The following RUBCNL variants were observed in gnomAD, a reference collection of about 807,000 sequenced individuals.
RUBCNL encodes the protein protein associated with UVRAG as autophagy enhancer.
In RUBCNL, 62 loss-of-function variants were observed where a neutral mutation model predicts 69.5. The observed-to-expected ratio is 0.89, with a 90% CI of 0.73 to 1.10. The LOEUF (loss-of-function observed/expected upper bound fraction) is 1.10, where lower values mean the gene tolerates loss of function less well. RUBCNL is among the 50% of genes least tolerant of loss of function. The pLI, the probability that RUBCNL is intolerant of heterozygous loss-of-function variation, is 0.00. For synonymous variants in RUBCNL, 291 were observed against 303.6 expected (o/e 0.96, Z 0.43); for missense variants, 768 against 798.1 (o/e 0.96, Z 0.45).
chr13:46,385,430 C>T (rs1594191430), intron 1 of RUBCNL: 1 of 180,034 alleles, frequency 5.6e-6, no homozygotes, highest in African/African-American at 2.4e-5. Flanking sequence ...CAAGAACTGC[C>T]TAAATTTTTA....
chr13:46,353,407 A>G (rs1486048448), intron 10 of RUBCNL, among the ~76,000 whole-genome samples: 1 of 152,200 alleles, frequency 6.6e-6, no homozygotes, highest in African/African-American at 2.4e-5. Context: ...ATCAAACTTC[A>G]TTGAATACAT....
chr13:46,359,610 G>C lies in RUBCNL; in HGVS notation c.1141C>G (p.Arg381Gly), dbSNP rs193920942. Residue 381 changes from arginine to glycine, a missense_variant, in exon 9 of 15, where the codon CGA becomes GGA. By Grantham distance (125) the Arg-to-Gly change is moderately radical. Coordinates refer to ENST00000429979, the MANE Select transcript of RUBCNL (RefSeq NM_025113.5). ...GSIVVNEECV[R>G]KDFESSMNVV... ...TTCATACTGGATTCAAAGTCTTTTC[G>C]GACACACTCTTCATTTACGACCTGC... 6.3e-7 allele frequency: 1 copy of C among 1,588,352 alleles called. No homozygotes were observed. Among genetic ancestry groups the C allele is most frequent in the Non-Finnish European group, 8.6e-7 (1 of 1,166,154 alleles).
chr13:46,355,612 C>T (rs78870811), intron 10 of RUBCNL, among the ~76,000 whole-genome samples: 1,690 of 152,224 alleles, frequency 0.011, 25 homozygotes, highest in African/African-American at 0.037. Context: ...AAAGCCTAAT[C>T]TTCTAGGCCT....
At chr13:46,355,955 G>C in intron 10 of RUBCNL, among the ~76,000 whole-genome samples, 1 of 152,170 alleles carries the variant, frequency 6.6e-6, no homozygotes, top group East Asian at 1.9e-4. Flanking sequence ...AAAAAATAAG[G>C]ATGGGTAATA....
chr13:46,362,923 C>CATATATATATATATAGATATATATATAT (rs201643254), intron 6 of RUBCNL, among the ~76,000 whole-genome samples, 192 bp downstream of exon 6: 15 of 88,052 alleles, frequency 1.7e-4, no homozygotes, highest in Non-Finnish European at 3.2e-4. Context: ...ACAAGAACAT[C>CATATATATATATATAGATATATATATAT]ATATATATAT....
At chr13:46,356,356 G>T in intron 10 of RUBCNL, 76 bp downstream of exon 10, 1 of 1,405,556 alleles carries the variant, frequency 7.1e-7, no homozygotes, top group Non-Finnish European at 9.9e-7. Context: ...TCTCACACAA[G>T]CAATGCGCTG....
Position 46,337,022 on chromosome 13 carries a change from T to C in RUBCNL, c.*6363A>G, listed in dbSNP as rs2048109039. On this transcript the variant is annotated 3_prime_UTR_variant, in exon 15 of 15. Coordinates refer to ENST00000429979, the MANE Select transcript of RUBCNL (RefSeq NM_025113.5). The stretch of plus-strand genomic sequence containing the variant: ...GACCTAACCCCCAATTGTGACAGTA[T>C]TAGGAGGTGGAGCCTTTAGGTGGTG... Among the ~76,000 whole-genome samples, 1 of 152,186 alleles carries C rather than the reference T, an allele frequency of 6.6e-6. No individual in the cohort carries two copies. Among genetic ancestry groups the C allele is most frequent in the Admixed American group, 6.5e-5 (1 of 15,280 alleles).
At chr13:46,347,977 A>G (rs2048285440) in intron 12 of RUBCNL, among the ~76,000 whole-genome samples, 1 of 152,198 alleles carries the variant, frequency 6.6e-6, no homozygotes, top group South Asian at 2.1e-4. Context: ...TGGGCGACAG[A>G]AGGAGACTCC....
upstream of RUBCNL, among the ~76,000 whole-genome samples, chr13:46,388,763 A>G (rs571925633): frequency 3.3e-5 from 5 of 152,294 alleles, no homozygotes; most frequent in African/African-American, 1.2e-4. Context: ...CATTTCCAGG[A>G]TGGAGCAGAG....
chr13:46,352,980 TGA>T (rs756247597), intron 10 of RUBCNL, among the ~76,000 whole-genome samples: 48 of 152,260 alleles, frequency 3.2e-4, no homozygotes, highest in Non-Finnish European at 5.6e-4. Flanking sequence ...ATTTCACTGA[TGA>T]AAGCACAAGA....
At chr13:46,380,783 T>G (rs922423151) in intron 1 of RUBCNL, among the ~76,000 whole-genome samples, 5 of 152,118 alleles carry the variant, frequency 3.3e-5, no homozygotes, top group Non-Finnish European at 7.4e-5. Context: ...AAAATAGAAT[T>G]TTGTTCTTTC....
chr13:46,365,140 T>C (rs2048721716), intron 5 of RUBCNL, among the ~76,000 whole-genome samples: 1 of 151,648 alleles, frequency 6.6e-6, no homozygotes. Context: ...TCGTCTCTAC[T>C]AAAAATACAA....
rs755143924 is a variant in RUBCNL at position 46,339,704 on chromosome 13, CA to C, written c.*3680del. On this transcript the variant is annotated 3_prime_UTR_variant, in exon 15 of 15. Transcript: ENST00000429979. ...TGAAAACCCGTCTCTACTAAAAATA[CA>C]AAAATTATCCAGGCCTGGTGGCGTG... Among the ~76,000 whole-genome samples the C allele has an allele frequency of 2.0e-5, 3 of 152,108 alleles. No individual in the cohort carries two copies. The highest frequency in any genetic ancestry group is 3.9e-4 in the East Asian group (2 of 5,174).
Position 46,363,414 on chromosome 13 carries a change from G to A in RUBCNL, c.827-201C>T, listed in dbSNP as rs542368815. The stretch of plus-strand genomic sequence containing the variant: ...CACTCACTATGATTAAGTGCCTGTA[G>A]TCCCAGCTATTCGGAAGGCTTTCAT... On this transcript the variant is annotated intron_variant, in intron 5 of 14. Transcript: ENST00000429979. 3.9e-5 allele frequency among the ~76,000 whole-genome samples: 6 copies of A among 152,248 alleles called. No individual in the cohort carries two copies. In the South Asian group the frequency reaches 1.0e-3, roughly 26 times the overall value.
chr13:46,364,069 G>A (rs561778085), intron 5 of RUBCNL, among the ~76,000 whole-genome samples: 5 of 151,994 alleles, frequency 3.3e-5, no homozygotes, highest in Admixed American at 6.6e-5. Context: ...GAATACAGTT[G>A]TTTAAGGAAA....
At chr13:46,367,153 A>C (rs1173204065) in intron 5 of RUBCNL, among the ~76,000 whole-genome samples, 2 of 152,206 alleles carry the variant, frequency 1.3e-5, no homozygotes, top group East Asian at 1.9e-4. Flanking sequence ...AAGAGCCCCC[A>C]GGTCCCAGAG....
In RUBCNL at chr13:46,357,682, T is replaced by G. The variant is rs1470244079; in HGVS notation, c.1266-1186A>C. Among the ~76,000 whole-genome samples, 3 of 149,648 alleles carry G rather than the reference T, an allele frequency of 2.0e-5. No individual in the cohort carries two copies. The East Asian group carries it at 6.0e-4, about 30-fold the overall frequency. On this transcript the variant is annotated intron_variant, in intron 9 of 14. Coordinates refer to ENST00000429979, the MANE Select transcript of RUBCNL (RefSeq NM_025113.5). ...TCTTATTCTGTTGCCCAGGCTGGAGTGCAGTGGTGCAATCTCAGCTCACTG... is the reference window on the plus strand; with the variant it reads ...TCTTATTCTGTTGCCCAGGCTGGAGGGCAGTGGTGCAATCTCAGCTCACTG...
chr13:46,341,909 T>G lies in RUBCNL; in HGVS notation c.*1476A>C, dbSNP rs773801946. Reference sequence around the variant, plus strand: ...GTTTCCTTGCCTGTAAATGGAGATATAGACATCTGCCTCAGAAAGGAATGT... The same window carrying G: ...GTTTCCTTGCCTGTAAATGGAGATAGAGACATCTGCCTCAGAAAGGAATGT... On this transcript the variant is annotated 3_prime_UTR_variant, in exon 15 of 15. Transcript: ENST00000429979. 8 of 152,248 alleles carry G rather than the reference T, an allele frequency of 5.3e-5. No homozygotes were observed. Among genetic ancestry groups the G allele is most frequent in the Non-Finnish European group, 1.2e-4 (8 of 68,044 alleles). The allele number at this position is 152,248 out of a possible 1,614,324, so 9.4% of individuals were successfully genotyped here. A position where few individuals can be genotyped will look rare whatever the true frequency, so the allele number is the denominator to read the frequency against.
At position 46,337,855 on chromosome 13, in the gene RUBCNL, CAA is replaced by C. The variant is rs2048113853; in HGVS notation, c.*5528_*5529del. ...CACTCCTGAGTAGTTCTATTTCAAACAATCACTCAGGGAGCTGGGTAGGGCCC... is the reference window on the plus strand; with the variant it reads ...CACTCCTGAGTAGTTCTATTTCAAACTCACTCAGGGAGCTGGGTAGGGCCC... On this transcript the variant is annotated 3_prime_UTR_variant, in exon 15 of 15. Coordinates refer to ENST00000429979, the MANE Select transcript of RUBCNL (RefSeq NM_025113.5). Among the ~76,000 whole-genome samples the C allele has an allele frequency of 6.6e-6, 1 of 152,184 alleles. No homozygotes were observed. Among genetic ancestry groups the C allele is most frequent in the South Asian group, 2.1e-4 (1 of 4,822 alleles).
Sources: allele counts gnomAD v4.1 joint callset (sites outside exome capture counted in the v4.1 genomes callset), GRCh38; gene constraint gnomAD v4.1.1; transcripts MANE v1.5; gene names NCBI Gene and HGNC (gene_info 2026-07-23, HGNC 2026-07-21).